Variants in RASGRF2 observed in about 807,000 individuals in gnomAD.
The protein encoded by RASGRF2 is ras-specific guanine nucleotide-releasing factor 2.
In RASGRF2, 76 loss-of-function variants were observed where a neutral mutation model predicts 151.0. The ratio of observed to expected loss-of-function variants is 0.50; its 90% confidence interval spans 0.42 to 0.61. The LOEUF (loss-of-function observed/expected upper bound fraction) is 0.61, where lower values mean the gene tolerates loss of function less well. Ranked by LOEUF, RASGRF2 falls within the 20% of genes least tolerant of loss-of-function variation. The pLI is 0.00. For synonymous variants in RASGRF2, 504 were observed against 566.5 expected (o/e 0.89, Z 1.57); for missense variants, 1,148 against 1,564.6 (o/e 0.73, Z 4.49).
At chr5:81,218,651 T>C (rs1400733212) in intron 25 of RASGRF2, among the ~76,000 whole-genome samples, 1 of 152,254 alleles carries the variant, frequency 6.6e-6, no homozygotes, top group East Asian at 1.9e-4. Context: ...AGATTTGTTC[T>C]TTTTGCTTAG....
At chr5:81,029,995 A>C (rs572482598) in intron 1 of RASGRF2, among the ~76,000 whole-genome samples, 8 of 152,338 alleles carry the variant, frequency 5.3e-5, no homozygotes, top group African/African-American at 1.9e-4. Context: ...CACGAGAACT[A>C]TGTGAGGAAT....
At chr5:81,039,176 A>G (rs1393986701) in intron 1 of RASGRF2, among the ~76,000 whole-genome samples, 1 of 152,168 alleles carries the variant, frequency 6.6e-6, no homozygotes, top group Non-Finnish European at 1.5e-5. Flanking sequence ...TCCTTAGCCT[A>G]TTCATATGGT....
chr5:81,003,280 T>C (rs1276508947), intron 1 of RASGRF2, among the ~76,000 whole-genome samples: 1 of 141,402 alleles, frequency 7.1e-6, no homozygotes, highest in African/African-American at 2.6e-5. Context: ...TGGAGTGCAA[T>C]GGCGCGATCT....
chr5:81,097,104 G>C (rs1248954812), intron 12 of RASGRF2, among the ~76,000 whole-genome samples: 1 of 152,094 alleles, frequency 6.6e-6, no homozygotes, highest in East Asian at 1.9e-4. Flanking sequence ...TGGGATTACA[G>C]GTGTGCACCA....
At position 80,969,148 on chromosome 5, in the gene RASGRF2, T is replaced by A. The variant is rs1747820011; in HGVS notation, c.288+8122T>A. On this transcript the variant is annotated intron_variant, in intron 1 of 26. Transcript: ENST00000265080. Reference sequence around the variant, plus strand: ...CTTTTTTTTTTTTTTTTTTTTTTTTTAAGTTGGAGTCTCGCTCTGTCACCC... The same window carrying A: ...CTTTTTTTTTTTTTTTTTTTTTTTTAAAGTTGGAGTCTCGCTCTGTCACCC... Among the ~76,000 whole-genome samples the A allele has an allele frequency of 3.6e-5, 4 of 110,958 alleles. No individual in the cohort carries two copies. The South Asian group carries it at 8.7e-4, about 24-fold the overall frequency. 72.8% of individuals were successfully genotyped at this position (110,958 alleles called of 152,430 possible). A position where few individuals can be genotyped will look rare whatever the true frequency, so the allele number is the denominator to read the frequency against.
intron 17 of RASGRF2, among the ~76,000 whole-genome samples, chr5:81,170,758 A>G (rs1388166286): frequency 6.6e-6 from 1 of 152,184 alleles, no homozygotes; most frequent in African/African-American, 2.4e-5. Context: ...ATTTGCTTAT[A>G]GATAATAATA....
chr5:81,152,181 TG>T (rs1207928958), intron 17 of RASGRF2, among the ~76,000 whole-genome samples: 1 of 152,138 alleles, frequency 6.6e-6, no homozygotes, highest in Non-Finnish European at 1.5e-5. Context: ...TTTGTATTTT[TG>T]GTAGAGACGG....
At chr5:81,208,616 A>G (rs1755565670) in intron 22 of RASGRF2, among the ~76,000 whole-genome samples, 178 bp downstream of exon 22, 1 of 132,746 alleles carries the variant, frequency 7.5e-6, no homozygotes, top group African/African-American at 2.9e-5. Flanking sequence ...CAATGGCGTG[A>G]TCTCAGCTCA....
chr5:81,185,414 C>T (rs1755005130), intron 18 of RASGRF2, among the ~76,000 whole-genome samples: 1 of 152,176 alleles, frequency 6.6e-6, no homozygotes, highest in African/African-American at 2.4e-5. Flanking sequence ...GCATCCTGCC[C>T]AAGAGGACGG....
intron 1 of RASGRF2, among the ~76,000 whole-genome samples, chr5:81,003,286 G>A (rs773186765): frequency 9.6e-5 from 14 of 146,218 alleles, no homozygotes; most frequent in Non-Finnish European, 1.8e-4. Context: ...GCAATGGCGC[G>A]ATCTCGGCTC....
At chr5:81,143,610 G>A (rs1753935081) in intron 17 of RASGRF2, among the ~76,000 whole-genome samples, 1 of 152,062 alleles carries the variant, frequency 6.6e-6, no homozygotes, top group Non-Finnish European at 1.5e-5. Flanking sequence ...AGATTAAAAA[G>A]GGCAGGCACG....
intron 2 of RASGRF2, among the ~76,000 whole-genome samples, chr5:81,052,601 G>A (rs1751048100): frequency 6.6e-6 from 1 of 152,212 alleles, no homozygotes; most frequent in Non-Finnish European, 1.5e-5. Context: ...GGAGGTGACA[G>A]TGTTAGGACC....
rs113282763 is a variant in RASGRF2 at position 81,012,813 on chromosome 5, A to G, written c.289-30064A>G. Among the ~76,000 whole-genome samples the G allele has an allele frequency of 6.8e-3, 1,036 of 152,210 alleles. 8 individuals carry two copies. Among genetic ancestry groups the G allele is most frequent in the Middle Eastern group, 0.014 (4 of 294 alleles). On this transcript the variant is annotated intron_variant, in intron 1 of 26. Transcript: ENST00000265080. The stretch of plus-strand genomic sequence containing the variant: ...CAAGGAAAAAGCCCAAGCTTGGGTT[A>G]TGGATGGCTCAGCTCAATATGGCCT...
At chr5:81,013,207 T>C (rs1462779291) in intron 1 of RASGRF2, among the ~76,000 whole-genome samples, 3 of 152,228 alleles carry the variant, frequency 2.0e-5, no homozygotes, top group Non-Finnish European at 4.4e-5. Context: ...AAATCTTTGA[T>C]CAGTTTTTCA....
At chr5:80,985,304 T>C (rs1189961674) in intron 1 of RASGRF2, among the ~76,000 whole-genome samples, 1 of 152,218 alleles carries the variant, frequency 6.6e-6, no homozygotes, top group Non-Finnish European at 1.5e-5. Flanking sequence ...ATGGGGAAGA[T>C]TGGGGTTAAT....
intron 26 of RASGRF2, among the ~76,000 whole-genome samples, 183 bp from the exon 27 acceptor site, chr5:81,225,495 A>G (rs974060456): frequency 6.6e-5 from 10 of 150,516 alleles, no homozygotes; most frequent in South Asian, 4.2e-4. Context: ...GGGTTGAGAG[A>G]GGACTAGAGA....
intron 17 of RASGRF2, among the ~76,000 whole-genome samples, chr5:81,175,677 A>T (rs1029782348): frequency 6.6e-6 from 1 of 151,240 alleles, no homozygotes; most frequent in Admixed American, 6.6e-5. Flanking sequence ...AATCACTTGA[A>T]CTGGGAGGTG....
chr5:81,046,812 T>C (rs1351579426), intron 2 of RASGRF2, among the ~76,000 whole-genome samples: 1 of 152,152 alleles, frequency 6.6e-6, no homozygotes, highest in African/African-American at 2.4e-5. Flanking sequence ...AAGACAACTC[T>C]TCAATGTTTC....
chr5:81,040,074 G>A (rs561912857), intron 1 of RASGRF2, among the ~76,000 whole-genome samples: 3 of 152,260 alleles, frequency 2.0e-5, no homozygotes, highest in African/African-American at 7.2e-5. Flanking sequence ...ACTGCTCACT[G>A]CATCCTGCAG....
Sources: allele counts gnomAD v4.1 joint callset (sites outside exome capture counted in the v4.1 genomes callset), GRCh38; gene constraint gnomAD v4.1.1; transcripts MANE v1.5; gene names NCBI Gene and HGNC (gene_info 2026-07-23, HGNC 2026-07-21).